Variants in FAM241A observed in about 807,000 individuals in gnomAD.
FAM241A encodes family with sequence similarity 241 member A.
A neutral mutation model predicts 12.2 loss-of-function variants in FAM241A; 7 were observed. That is an observed-to-expected ratio of 0.58 (90% confidence interval 0.33 to 1.08). The LOEUF (loss-of-function observed/expected upper bound fraction) is 1.08, where lower values mean the gene tolerates loss of function less well. Ranked by LOEUF, FAM241A falls within the 50% of genes least tolerant of loss-of-function variation. The pLI is 0.04. For synonymous variants in FAM241A, 74 were observed against 68.2 expected, an observed-to-expected ratio of 1.08 and a Z score of -0.42; for missense variants, 161 against 169.7, an observed-to-expected ratio of 0.95 and a Z score of 0.29.
At chr4:112,147,889 CT>C (rs931292788) in intron 1 of FAM241A, among the ~76,000 whole-genome samples, 10 of 152,052 alleles carry the variant, frequency 6.6e-5, no homozygotes, top group African/African-American at 2.4e-4. Flanking sequence ...TTCCTGCCGT[CT>C]TTTCTACTTG....
At chr4:112,164,361 A>G (rs1262441737) in intron 1 of FAM241A, among the ~76,000 whole-genome samples, 2 of 151,168 alleles carry the variant, frequency 1.3e-5, no homozygotes, top group Non-Finnish European at 2.9e-5. Flanking sequence ...AGAAAACCAA[A>G]CACTGCATGT....
chr4:112,148,087 C>A (rs1447871830), intron 1 of FAM241A, among the ~76,000 whole-genome samples: 2 of 152,106 alleles, frequency 1.3e-5, no homozygotes, highest in South Asian at 4.1e-4. Context: ...TTTGTCAACA[C>A]CTAATTTTCT....
At chr4:112,177,106 C>T (rs1367490152) in intron 1 of FAM241A, among the ~76,000 whole-genome samples, 1 of 152,004 alleles carries the variant, frequency 6.6e-6, no homozygotes, top group Non-Finnish European at 1.5e-5. Flanking sequence ...CTTTTAAAAG[C>T]ATGAAAATGT....
At chr4:112,180,859 G>A (rs1160090565) in intron 1 of FAM241A, among the ~76,000 whole-genome samples, 1 of 152,124 alleles carries the variant, frequency 6.6e-6, no homozygotes, top group Non-Finnish European at 1.5e-5. Context: ...AGACAGAACT[G>A]TAAGATAATA....
intron 1 of FAM241A, among the ~76,000 whole-genome samples, chr4:112,166,919 C>T (rs375521992): frequency 0.39 from 49,626 of 128,114 alleles, 10,101 homozygotes; most frequent in East Asian, 0.58. Flanking sequence ...TCGAGACCAT[C>T]CCGGCTAAAA....
intron 1 of FAM241A, among the ~76,000 whole-genome samples, chr4:112,166,950 TAAAAATA>T (rs1463480523): frequency 1.8e-5 from 2 of 111,710 alleles, no homozygotes; most frequent in Admixed American, 9.3e-5. Context: ...CCGTCTCTAC[TAAAAATA>T]CAAAAAATTA....
At chr4:112,171,845 TGA>T (rs1305401805) in intron 1 of FAM241A, among the ~76,000 whole-genome samples, 1 of 151,774 alleles carries the variant, frequency 6.6e-6, no homozygotes, top group Non-Finnish European at 1.5e-5. Context: ...GGTGACAGAG[TGA>T]GACTCTGTCT....
intron 1 of FAM241A, among the ~76,000 whole-genome samples, chr4:112,146,072 C>T (rs2110416754): frequency 6.6e-6 from 1 of 152,284 alleles, no homozygotes; most frequent in East Asian, 1.9e-4. Flanking sequence ...TATTTAAAAG[C>T]CTCACTTGTA....
chr4:112,193,343 T>C lies in FAM241A; in HGVS notation c.*6405T>C, dbSNP rs1297786360. ...GTTTCTTTTGCTGTGCAGAAGCTCT[T>C]GAGTTGAATTAGATCCCATTTGTCA... On this transcript the variant is annotated 3_prime_UTR_variant, in exon 2 of 2. Coordinates refer to ENST00000309733, the MANE Select transcript of FAM241A (RefSeq NM_152400.3). 6.6e-6 allele frequency: 1 copy of C among 152,144 alleles called. No individual in the cohort carries two copies. The highest frequency in any genetic ancestry group is 2.4e-5 in the African/African-American group (1 of 41,390). 9.4% of individuals were successfully genotyped at this position (152,144 alleles called of 1,614,324 possible).
chr4:112,175,855 A>G (rs1374663556), intron 1 of FAM241A, among the ~76,000 whole-genome samples: 1 of 152,204 alleles, frequency 6.6e-6, no homozygotes, highest in Non-Finnish European at 1.5e-5. Context: ...GTGGACTAAA[A>G]GCAGGTAAAG....
chr4:112,192,348 A>C lies in FAM241A; in HGVS notation c.*5410A>C, dbSNP rs1042216666. 2 of 142,780 alleles carry C rather than the reference A, an allele frequency of 1.4e-5. 1 individual carries two copies. The highest frequency in any genetic ancestry group is 5.3e-5 in the African/African-American group (2 of 37,584). 8.8% of individuals were successfully genotyped at this position (142,780 alleles called of 1,614,324 possible). A position where few individuals can be genotyped will look rare whatever the true frequency, so the allele number is the denominator to read the frequency against. ...TTTAATTTTTTAATTTTTTTCTTTT[A>C]TTTTATTGTTATTATACTTTAAGTT... On this transcript the variant is annotated 3_prime_UTR_variant, in exon 2 of 2. Coordinates refer to ENST00000309733, the MANE Select transcript of FAM241A (RefSeq NM_152400.3).
chr4:112,155,751 A>G (rs1723340342), intron 1 of FAM241A, among the ~76,000 whole-genome samples: 1 of 152,184 alleles, frequency 6.6e-6, no homozygotes, highest in South Asian at 2.1e-4. Context: ...GTCAAAGATT[A>G]AAAAGATGAA....
intron 1 of FAM241A, among the ~76,000 whole-genome samples, chr4:112,164,754 A>G (rs1321853044): frequency 6.6e-6 from 1 of 152,230 alleles, no homozygotes; most frequent in Non-Finnish European, 1.5e-5. Flanking sequence ...ACAACTCTAT[A>G]GGAAAAATGT....
At position 112,186,757 on chromosome 4, in the gene FAM241A, C is replaced by T. The variant is rs146826929; in HGVS notation, c.218C>T (p.Thr73Ile). The change falls in exon 2 of 2, where the codon ACA becomes ATA. Residue 73 changes from threonine to isoleucine, a missense_variant. Thr to Ile is a moderately conservative substitution (Grantham distance 89). Transcript: ENST00000309733. The stretch of plus-strand genomic sequence containing the variant: ...GGAGATGACTACAAGAAAATGGGAA[C>T]ACTTTTTGGTGAACTGAACAAAAAC... The part of the protein sequence containing the change: ...PVGDDYKKMG[T>I]LFGELNKNLI... The T allele has an allele frequency of 1.9e-5, 31 of 1,612,814 alleles. No homozygotes were observed. Among genetic ancestry groups the T allele is most frequent in the Non-Finnish European group, 2.5e-5 (29 of 1,179,798 alleles).
At chr4:112,168,922 C>T (rs1723655351) in intron 1 of FAM241A, among the ~76,000 whole-genome samples, 3 of 152,158 alleles carry the variant, frequency 2.0e-5, no homozygotes, top group Admixed American at 2.0e-4. Flanking sequence ...GCCTCGGCCT[C>T]CTGGAGCGCT....
chr4:112,184,254 G>A (rs1215059058), intron 1 of FAM241A, among the ~76,000 whole-genome samples: 2 of 152,172 alleles, frequency 1.3e-5, no homozygotes, highest in East Asian at 1.9e-4. Flanking sequence ...AATAGGCCGG[G>A]CACAGTGGCT....
At chr4:112,171,814 G>A (rs1313985057) in intron 1 of FAM241A, among the ~76,000 whole-genome samples, 4 of 152,008 alleles carry the variant, frequency 2.6e-5, no homozygotes, top group African/African-American at 4.8e-5. Flanking sequence ...AGCCGAGATC[G>A]CGCCACTGCA....
intron 1 of FAM241A, among the ~76,000 whole-genome samples, chr4:112,177,551 G>T (rs1177189564): frequency 6.6e-6 from 1 of 151,998 alleles, no homozygotes. Flanking sequence ...TAAATGGGGG[G>T]AAATAATAGT....
At chr4:112,183,405 T>G (rs1307416719) in intron 1 of FAM241A, among the ~76,000 whole-genome samples, 2 of 152,152 alleles carry the variant, frequency 1.3e-5, no homozygotes. Context: ...TGAGATAATG[T>G]GAGCATTGCT....
Sources: gnomAD v4.1 joint callset for allele counts (sites outside exome capture counted in the v4.1 genomes callset) on GRCh38, gnomAD v4.1.1 for gene constraint, MANE v1.5 for transcripts, NCBI Gene and HGNC (gene_info 2026-07-23, HGNC 2026-07-21) for gene names.